ACER1: variants seen among roughly 807,000 people sequenced by gnomAD.
ACER1 encodes the protein CTB-180A7.3.
Under a neutral mutation model 24.9 loss-of-function variants are expected in ACER1, and 28 were observed. That is an observed-to-expected ratio of 1.13 (90% CI 0.83 to 1.54). ACER1 has a LOEUF of 1.54. ACER1 is among the 40% of genes most tolerant of loss of function. The probability of loss-of-function intolerance (pLI) is 0.00; values close to 1 mark genes in which losing one functional copy is unlikely to be tolerated. For missense variants in ACER1, 352 were observed against 349.3 expected (o/e 1.01, Z -0.06); for synonymous variants, 132 against 131.4 (o/e 1.00, Z -0.03).
At chr19:6,322,236 T>A (rs1279240504) in intron 1 of ACER1, among the ~76,000 whole-genome samples, 2 of 152,192 alleles carry the variant, frequency 1.3e-5, no homozygotes, top group African/African-American at 2.4e-5. Flanking sequence ...CATTTGTAAT[T>A]GCAATAAAAA....
upstream of ACER1, among the ~76,000 whole-genome samples, chr19:6,338,434 A>C (rs549269900): frequency 3.9e-5 from 6 of 152,324 alleles, no homozygotes; most frequent in Admixed American, 2.6e-4. Flanking sequence ...AAGCTGTTGA[A>C]ATCTGAATAT....
intron 3 of ACER1, among the ~76,000 whole-genome samples, chr19:6,310,248 C>T (rs1034417192): frequency 4.6e-5 from 7 of 151,076 alleles, no homozygotes; most frequent in Non-Finnish European, 8.8e-5. Flanking sequence ...CCACCACGCC[C>T]GGCTCATTTT....
At chr19:6,349,615 G>A in the ACER1 span, among the ~76,000 whole-genome samples, 1 of 152,104 alleles carries the variant, frequency 6.6e-6, no homozygotes, top group Non-Finnish European at 1.5e-5. Context: ...AATCGGCGAG[G>A]GACTCTGGAG....
In ACER1 at chr19:6,306,357, A is replaced by G. The variant is rs966282778; in HGVS notation, c.*357T>C. On this transcript the variant is annotated 3_prime_UTR_variant, in exon 6 of 6. Coordinates refer to ENST00000301452, the MANE Select transcript of ACER1 (RefSeq NM_133492.3). ...GCCACCGTTCCCAGCCTAGAAGCTA[A>G]TATTTAGATGCCACATCCTTCAGTC... is the stretch of plus-strand genomic sequence containing the variant. 5.3e-6 allele frequency: 1 copy of G among 187,398 alleles called. No homozygotes were observed. Among genetic ancestry groups the G allele is most frequent in the Non-Finnish European group, 1.1e-5 (1 of 90,404 alleles). 11.6% of individuals were successfully genotyped at this position (187,398 alleles called of 1,614,324 possible).
chr19:6,327,817 C>T (rs1339940434), intron 1 of ACER1, among the ~76,000 whole-genome samples: 1 of 151,914 alleles, frequency 6.6e-6, no homozygotes, highest in East Asian at 1.9e-4. Context: ...TGGCTTGTGC[C>T]TGTAATCCCA....
rs2091698685 is a variant in ACER1, at chr19:6,333,440, C to T, written c.93+19G>A. On this transcript the variant is annotated intron_variant, in intron 1 of 5. Coordinates refer to ENST00000301452, the MANE Select transcript of ACER1 (RefSeq NM_133492.3). ...GAACCGGCATCTGGCGAGACTCCTTCACACACCCACGCACTCACCGTGTTG... is the reference window on the plus strand; with the variant it reads ...GAACCGGCATCTGGCGAGACTCCTTTACACACCCACGCACTCACCGTGTTG... 2 of 1,554,734 alleles carry T rather than the reference C, an allele frequency of 1.3e-6. No individual in the cohort carries two copies. The highest frequency in any genetic ancestry group is 1.7e-6 in the Non-Finnish European group (2 of 1,145,004).
At chr19:6,355,728 C>T in the ACER1 span, among the ~76,000 whole-genome samples, 3 of 142,030 alleles carry the variant, frequency 2.1e-5, no homozygotes, top group Non-Finnish European at 3.1e-5. Flanking sequence ...CCCGGCCAGC[C>T]GCCCCGTCCA....
In ACER1 at chr19:6,310,363, C is replaced by T. The variant is rs1246874743; in HGVS notation, c.351-529G>A. On this transcript the variant is annotated intron_variant, in intron 3 of 5. Coordinates refer to ENST00000301452, the MANE Select transcript of ACER1 (RefSeq NM_133492.3). ...CGGCCTCCCAAAGTGCTAGGATTACCGGCATGAGTCACTGCGCCTGGCCCT... is the reference window on the plus strand; with the variant it reads ...CGGCCTCCCAAAGTGCTAGGATTACTGGCATGAGTCACTGCGCCTGGCCCT... Among the ~76,000 whole-genome samples the T allele has an allele frequency of 8.6e-5, 13 of 151,896 alleles. No individual in the cohort carries two copies. In the East Asian group the frequency reaches 1.9e-3, roughly 23 times the overall value.
the ACER1 span, among the ~76,000 whole-genome samples, chr19:6,350,367 G>A: frequency 1.3e-5 from 2 of 151,896 alleles, no homozygotes; most frequent in African/African-American, 2.4e-5. Context: ...AAACCTGCAC[G>A]TTGTGCACAT....
At chr19:6,349,412 GGAAA>G in the ACER1 span, among the ~76,000 whole-genome samples, 25 of 138,840 alleles carry the variant, frequency 1.8e-4, no homozygotes, top group African/African-American at 5.9e-4. Context: ...AGAGAAGGAA[GGAAA>G]GAAGGAAGGA....
the ACER1 span, among the ~76,000 whole-genome samples, chr19:6,338,959 C>A: frequency 2.0e-5 from 3 of 151,086 alleles, no homozygotes; most frequent in African/African-American, 7.3e-5. Flanking sequence ...CTCACTGCAA[C>A]CTCCGCCTCC....
chr19:6,326,574 T>C (rs549052347), intron 1 of ACER1, among the ~76,000 whole-genome samples: 9 of 151,942 alleles, frequency 5.9e-5, no homozygotes, highest in Middle Eastern at 3.4e-3. Context: ...CCCCAGAGCA[T>C]TGTTGATGTT....
intron 1 of ACER1, among the ~76,000 whole-genome samples, chr19:6,322,051 G>T (rs1478963248): frequency 6.6e-6 from 1 of 151,972 alleles, no homozygotes; most frequent in Non-Finnish European, 1.5e-5. Flanking sequence ...CAGGATGCTT[G>T]CAGGGAAGGG....
At chr19:6,328,496 CAAA>C (rs1013111916) in intron 1 of ACER1, among the ~76,000 whole-genome samples, 2,994 of 41,082 alleles carry the variant, frequency 0.073, 91 homozygotes, top group African/African-American at 0.18. Flanking sequence ...GACTCCATCT[CAAA>C]AAAAAAAAAA....
Position 6,306,543 on chromosome 19 carries a change from C to T in ACER1, c.*171G>A, listed in dbSNP as rs2091553078. The stretch of plus-strand genomic sequence containing the variant: ...ACCAGGCTGCTGCTCAGAGATGTCA[C>T]AAAGTCCATCATCTGCCTCAAGGCA... On this transcript the variant is annotated 3_prime_UTR_variant, in exon 6 of 6. Transcript: ENST00000301452. 1 of 766,022 alleles carries T rather than the reference C, an allele frequency of 1.3e-6. No homozygotes were observed. Among genetic ancestry groups the T allele is most frequent in the African/African-American group, 1.8e-5 (1 of 57,058 alleles). 47.5% of individuals were successfully genotyped at this position (766,022 alleles called of 1,614,324 possible).
the ACER1 span, among the ~76,000 whole-genome samples, chr19:6,349,371 A>C: frequency 7.1e-6 from 1 of 140,198 alleles, no homozygotes; most frequent in African/African-American, 2.6e-5. Context: ...GAGGGACAGA[A>C]GGAGGGAGGG....
chr19:6,355,046 A>T, the ACER1 span, among the ~76,000 whole-genome samples: 2 of 152,090 alleles, frequency 1.3e-5, no homozygotes, highest in African/African-American at 4.8e-5. Context: ...GCTGGTCTCC[A>T]GCTCCTAAGT....
the ACER1 span, among the ~76,000 whole-genome samples, chr19:6,342,725 AT>A: frequency 6.6e-6 from 1 of 152,072 alleles, no homozygotes; most frequent in Non-Finnish European, 1.5e-5. Context: ...TCTCAAAAAA[AT>A]AAATAAATAA....
At chr19:6,317,450 A>G (rs924178797) in intron 1 of ACER1, among the ~76,000 whole-genome samples, 1 of 152,218 alleles carries the variant, frequency 6.6e-6, no homozygotes, top group Non-Finnish European at 1.5e-5. Flanking sequence ...CAACGCCTCC[A>G]TGCGCCTCTT....
Sources: gnomAD v4.1 joint callset for allele counts (sites outside exome capture counted in the v4.1 genomes callset) on GRCh38, gnomAD v4.1.1 for gene constraint, MANE v1.5 for transcripts, NCBI Gene and HGNC (gene_info 2026-07-23, HGNC 2026-07-21) for gene names.